The following ARAP2 variants were observed in gnomAD, a reference collection of about 807,000 sequenced individuals.
ARAP2 encodes arf-GAP with Rho-GAP domain, ANK repeat and PH domain-containing protein 2.
Under a neutral mutation model 194.5 loss-of-function variants are expected in ARAP2, and 148 were observed. The ratio of observed to expected loss-of-function variants is 0.76; its 90% CI spans 0.67 to 0.87. The LOEUF (loss-of-function observed/expected upper bound fraction) is 0.87, where lower values mean the gene tolerates loss of function less well. Ranked by LOEUF, ARAP2 falls within the 40% of genes least tolerant of loss-of-function variation. The pLI is 0.00. For synonymous variants in ARAP2, 695 were observed against 683.5 expected, an observed-to-expected ratio of 1.02 and a Z score of -0.26; for missense variants, 2,128 against 1,989.7, an observed-to-expected ratio of 1.07 and a Z score of -1.32.
intron 3 of ARAP2, among the ~76,000 whole-genome samples, chr4:36,050,707 G>A (rs1347790600): frequency 6.6e-6 from 1 of 152,188 alleles, no homozygotes; most frequent in Non-Finnish European, 1.5e-5. Context: ...CATAAAATGG[G>A]ACGTATTTGA....
chr4:36,106,677 G>A (rs1389444227), intron 27 of ARAP2, among the ~76,000 whole-genome samples: 1 of 151,756 alleles, frequency 6.6e-6, no homozygotes, highest in East Asian at 1.9e-4. Flanking sequence ...TCAATACTTA[G>A]TAACTGAATA....
chr4:36,196,757 T>C (rs572050548), intron 6 of ARAP2, among the ~76,000 whole-genome samples: 1 of 152,004 alleles, frequency 6.6e-6, no homozygotes, highest in South Asian at 2.1e-4. Flanking sequence ...ATTCACCCAG[T>C]CAGCCATCAA....
At chr4:36,109,003 A>G (rs1385263220) in intron 26 of ARAP2, among the ~76,000 whole-genome samples, 1 of 152,006 alleles carries the variant, frequency 6.6e-6, no homozygotes, top group Non-Finnish European at 1.5e-5. Context: ...ACAAACAGGA[A>G]AGAGCATATC....
intron 4 of ARAP2, 83 bp from the exon 5 acceptor site, chr4:36,212,570 T>C: frequency 2.4e-6 from 2 of 833,524 alleles, no homozygotes; most frequent in Non-Finnish European, 3.8e-6. Flanking sequence ...AGCAATATTC[T>C]ACAAAAATCC....
chr4:36,114,221 T>A lies in ARAP2; in HGVS notation c.4105A>T (p.Thr1369Ser). 6.2e-7 allele frequency: 1 copy of A among 1,603,982 alleles called. No homozygotes were observed. The highest frequency in any genetic ancestry group is 8.5e-7 in the Non-Finnish European group (1 of 1,172,162). ...DILAIKNIIP[T>S]KGDIWATFEV... ...AATGTGGCCCAAATATCACCTTTTG[T>A]AGGAATAATATTTTTTATCGCTAAT... Residue 1369 changes from threonine to serine, a missense_variant, in exon 26 of 33, where the codon ACA becomes TCA. Thr to Ser is a moderately conservative substitution (Grantham distance 58, BLOSUM62 1). Coordinates refer to ENST00000303965, the MANE Select transcript of ARAP2 (RefSeq NM_015230.4).
chr4:36,044,958 A>G (rs1320840813), intron 5 of ARAP2, among the ~76,000 whole-genome samples: 1 of 152,220 alleles, frequency 6.6e-6, no homozygotes, highest in Non-Finnish European at 1.5e-5. Flanking sequence ...AGTGCTCAAC[A>G]TCACTAATCA....
intron 1 of ARAP2, among the ~76,000 whole-genome samples, chr4:36,241,787 T>C (rs1376554393): frequency 1.3e-5 from 2 of 152,208 alleles, no homozygotes; most frequent in Non-Finnish European, 2.9e-5. Context: ...TTTTATATTT[T>C]AGTATTGTTT....
In ARAP2 at chr4:36,067,622, GACA is replaced by G. The variant is rs1480053000; in HGVS notation, c.*282_*284del. The G allele has an allele frequency of 2.7e-5, 7 of 260,508 alleles. No individual in the cohort carries two copies. Among genetic ancestry groups the G allele is most frequent in the Non-Finnish European group, 4.4e-5 (6 of 137,566 alleles). The allele number at this position is 260,508 out of a possible 1,614,324, so 16.1% of individuals were successfully genotyped here. On this transcript the variant is annotated 3_prime_UTR_variant, in exon 33 of 33. Coordinates refer to ENST00000303965, the MANE Select transcript of ARAP2 (RefSeq NM_015230.4). ...TGCTCATAAATTATACCACTTAACA[GACA>G]ACTACTTTAAAAGGACTGACCACCT...
intron 7 of ARAP2, among the ~76,000 whole-genome samples, chr4:36,189,332 GATACAT>G (rs1741339548): frequency 6.6e-6 from 1 of 151,996 alleles, no homozygotes. Context: ...GTGATGTCGT[GATACAT>G]ATAAAGTATA....
chr4:36,022,892 G>A (rs1366231179), intron 5 of ARAP2, among the ~76,000 whole-genome samples: 2 of 152,026 alleles, frequency 1.3e-5, no homozygotes, highest in Non-Finnish European at 2.9e-5. Flanking sequence ...CTATACTATT[G>A]GTGTCTTCAG....
intron 11 of ARAP2, 78 bp from the exon 12 acceptor site, chr4:36,161,628 T>C: frequency 2.7e-6 from 3 of 1,114,638 alleles, no homozygotes; most frequent in Non-Finnish European, 4.0e-6. Context: ...AGAAAGTGCA[T>C]ATGTCTGTGT....
chr4:36,183,296 T>TC (rs1214050877), intron 8 of ARAP2, among the ~76,000 whole-genome samples: 4 of 33,250 alleles, frequency 1.2e-4, no homozygotes, highest in Non-Finnish European at 2.2e-4. Flanking sequence ...TTTTTTTTAA[T>TC]TAAAAAAAAA....
chr4:36,181,634 G>A (rs1324836752), intron 8 of ARAP2, among the ~76,000 whole-genome samples: 1 of 152,176 alleles, frequency 6.6e-6, no homozygotes, highest in East Asian at 1.9e-4. Flanking sequence ...CAATATCAGA[G>A]AAGGAAGTAG....
intron 21 of ARAP2, among the ~76,000 whole-genome samples, chr4:36,126,562 A>C (rs564982275): frequency 6.6e-6 from 1 of 152,136 alleles, no homozygotes; most frequent in South Asian, 2.1e-4. Context: ...GAGTTTTATG[A>C]ATTCACTTAG....
Position 36,123,517 on chromosome 4 carries a change from T to C in ARAP2, c.3746+1345A>G, listed in dbSNP as rs115596132. Among the ~76,000 whole-genome samples the C allele has an allele frequency of 6.1e-3, 929 of 151,848 alleles. 9 individuals carry two copies. The highest frequency in any genetic ancestry group is 0.021 in the African/African-American group (879 of 41,498). On this transcript the variant is annotated intron_variant, in intron 22 of 32. Transcript: ENST00000303965. ...TTTCTGGGACAAAATAGGTATAATA[T>C]AGTGTTTCCTTTTCTTCCTTTACTT...
At chr4:36,156,339 AAGAG>A (rs1242478442) in intron 15 of ARAP2, among the ~76,000 whole-genome samples, 3 of 26,534 alleles carry the variant, frequency 1.1e-4, no homozygotes, top group African/African-American at 2.8e-4. Context: ...GAGGGAGGGA[AAGAG>A]AGAGAGAGAG....
intron 28 of ARAP2, among the ~76,000 whole-genome samples, chr4:36,091,574 A>G (rs1203580156): frequency 4.6e-5 from 7 of 152,266 alleles, no homozygotes; most frequent in African/African-American, 1.7e-4. Flanking sequence ...ATTTTAGGGT[A>G]TCACACATTC....
intron 19 of ARAP2, among the ~76,000 whole-genome samples, chr4:36,140,143 C>CACACACACAA (rs1056323103): frequency 6.9e-6 from 1 of 145,772 alleles, no homozygotes; most frequent in African/African-American, 2.6e-5. Context: ...AAACAATACA[C>CACACACACAA]ACACACACAC....
intron 6 of ARAP2, among the ~76,000 whole-genome samples, chr4:36,201,683 C>G (rs972598149): frequency 1.3e-5 from 2 of 152,070 alleles, no homozygotes; most frequent in African/African-American, 4.8e-5. Context: ...AAATGTGTTT[C>G]TTAAAAATTA....
Sources: gnomAD v4.1 joint callset for allele counts (sites outside exome capture counted in the v4.1 genomes callset) on GRCh38, gnomAD v4.1.1 for gene constraint, MANE v1.5 for transcripts, NCBI Gene and HGNC (gene_info 2026-07-23, HGNC 2026-07-21) for gene names.